Variants in MSRA observed in about 807,000 individuals in gnomAD.
MSRA encodes the protein methionine sulfoxide reductase A, also known as mitochondrial peptide methionine sulfoxide reductase.
Under a neutral mutation model 31.3 loss-of-function variants are expected in MSRA, and 54 were observed. That is an observed-to-expected ratio of 1.73 (90% CI 1.39 to 2.17). The LOEUF (loss-of-function observed/expected upper bound fraction) is 2.17. MSRA is among the 30% of genes most tolerant of loss of function. The pLI is 0.00. For missense variants in MSRA, 507 were observed against 300.9 expected, an observed-to-expected ratio of 1.69 and a Z score of -5.07; for synonymous variants, 169 against 116.5, an observed-to-expected ratio of 1.45 and a Z score of -2.90.
chr8:10,272,511 G>A (rs1354756689), intron 3 of MSRA, among the ~76,000 whole-genome samples: 1 of 152,182 alleles, frequency 6.6e-6, no homozygotes, highest in African/African-American at 2.4e-5. Flanking sequence ...ACTGGGTGAG[G>A]ACCATCCACA....
At chr8:10,107,532 C>G (rs1338881773) in intron 1 of MSRA, among the ~76,000 whole-genome samples, 1 of 152,136 alleles carries the variant, frequency 6.6e-6, no homozygotes, top group Non-Finnish European at 1.5e-5. Context: ...CACCTGGATT[C>G]CTTCTAATGC....
At chr8:10,096,420 T>C in intron 1 of MSRA, 1 of 398,354 alleles carries the variant, frequency 2.5e-6, no homozygotes. Context: ...GATTAGTGAA[T>C]TCTCATTGTG....
At chr8:10,133,083 G>A (rs1432407923) in intron 1 of MSRA, among the ~76,000 whole-genome samples, 1 of 152,180 alleles carries the variant, frequency 6.6e-6, no homozygotes, top group Non-Finnish European at 1.5e-5. Context: ...AAGGGAGTCC[G>A]CATTGGACTT....
At chr8:10,296,431 A>G (rs1449851597) in intron 3 of MSRA, among the ~76,000 whole-genome samples, 1 of 152,150 alleles carries the variant, frequency 6.6e-6, no homozygotes, top group Non-Finnish European at 1.5e-5. Flanking sequence ...ACCTCATTTA[A>G]TCTTTGTTTT....
intron 3 of MSRA, among the ~76,000 whole-genome samples, chr8:10,280,367 T>TAATTC (rs10629081): frequency 0.74 from 111,015 of 150,986 alleles, 40,892 homozygotes; most frequent in Admixed American, 0.81. Context: ...TTCTAATAAT[T>TAATTC]AATTCAAGTT....
chr8:10,185,827 G>A (rs1330611865), intron 1 of MSRA, among the ~76,000 whole-genome samples: 7 of 152,164 alleles, frequency 4.6e-5, no homozygotes, highest in Admixed American at 6.5e-5. Flanking sequence ...CCAGGACCAA[G>A]TGCTTTCGTG....
intron 1 of MSRA, among the ~76,000 whole-genome samples, chr8:10,138,929 C>T (rs1158348154): frequency 1.3e-5 from 2 of 152,194 alleles, no homozygotes; most frequent in African/African-American, 2.4e-5. Flanking sequence ...CCCTAGAGCT[C>T]CTTGTCCCCA....
chr8:10,210,958 A>T (rs556592709), intron 2 of MSRA, among the ~76,000 whole-genome samples: 16 of 151,150 alleles, frequency 1.1e-4, no homozygotes, highest in Admixed American at 4.0e-4. Flanking sequence ...CTGGTCTCGA[A>T]CTCCTAACCT....
At chr8:10,122,748 C>G (rs1801220162) in intron 1 of MSRA, among the ~76,000 whole-genome samples, 1 of 152,112 alleles carries the variant, frequency 6.6e-6, no homozygotes, top group South Asian at 2.1e-4. Flanking sequence ...CATGTGTTCA[C>G]ATCATTTAGC....
At chr8:10,282,760 C>A (rs924032815) in intron 3 of MSRA, among the ~76,000 whole-genome samples, 2 of 152,142 alleles carry the variant, frequency 1.3e-5, no homozygotes, top group African/African-American at 4.8e-5. Flanking sequence ...TGAAAATATA[C>A]CTTCCACTCT....
At chr8:10,315,288 C>G (rs1466767989) in intron 4 of MSRA, among the ~76,000 whole-genome samples, 2 of 152,142 alleles carry the variant, frequency 1.3e-5, no homozygotes, top group African/African-American at 4.8e-5. Flanking sequence ...TAGGTTTATT[C>G]TGAATGTGTC....
intron 1 of MSRA, among the ~76,000 whole-genome samples, chr8:10,094,495 A>G (rs1390381837): frequency 6.6e-6 from 1 of 152,264 alleles, no homozygotes; most frequent in Non-Finnish European, 1.5e-5. Flanking sequence ...GAAGCAAAGA[A>G]TAGGAAGTCA....
chr8:10,082,270 G>T (rs904547784), intron 1 of MSRA, among the ~76,000 whole-genome samples: 3 of 152,066 alleles, frequency 2.0e-5, no homozygotes, highest in African/African-American at 7.2e-5. Flanking sequence ...CATAACACAG[G>T]TGAGAATGTC....
At chr8:10,419,086 G>A (rs1262753811) in intron 5 of MSRA, among the ~76,000 whole-genome samples, 3 of 152,118 alleles carry the variant, frequency 2.0e-5, no homozygotes, top group Non-Finnish European at 2.9e-5. Flanking sequence ...TCCCACGCAT[G>A]TGCCCACAGG....
At chr8:10,212,651 T>C (rs1381852622) in intron 2 of MSRA, among the ~76,000 whole-genome samples, 1 of 152,248 alleles carries the variant, frequency 6.6e-6, no homozygotes, top group African/African-American at 2.4e-5. Flanking sequence ...GATCTGATTT[T>C]ACAGTTGCAG....
intron 1 of MSRA, among the ~76,000 whole-genome samples, chr8:10,141,967 G>GT (rs1802750793): frequency 6.6e-6 from 1 of 152,070 alleles, no homozygotes; most frequent in Non-Finnish European, 1.5e-5. Flanking sequence ...TTTTTTGTTT[G>GT]TTTGTTTGGA....
At chr8:10,095,065 T>C (rs1368381343) in intron 1 of MSRA, among the ~76,000 whole-genome samples, 2 of 152,240 alleles carry the variant, frequency 1.3e-5, no homozygotes, top group African/African-American at 4.8e-5. Flanking sequence ...ATGACATTTC[T>C]GGGCATACGG....
intron 1 of MSRA, among the ~76,000 whole-genome samples, chr8:10,165,807 T>C (rs1805074587): frequency 6.6e-6 from 1 of 152,186 alleles, no homozygotes; most frequent in African/African-American, 2.4e-5. Context: ...AAAAGCTTGC[T>C]GACAAATAAA....
In MSRA at chr8:10,085,959, C is replaced by G. The variant is rs566657141; in HGVS notation, c.142+31301C>G. Among the ~76,000 whole-genome samples the G allele has an allele frequency of 3.9e-5, 6 of 152,216 alleles. No individual in the cohort carries two copies. The East Asian group carries it at 7.7e-4, about 20-fold the overall frequency. On this transcript the variant is annotated intron_variant, in intron 1 of 5. Transcript: ENST00000317173. ...TATTCCTTAGTGGCAGCAGATAGAC[C>G]TTGCTGCTGGGTGTTCAGATTGTTT...
Sources: allele counts gnomAD v4.1 joint callset (sites outside exome capture counted in the v4.1 genomes callset), GRCh38; gene constraint gnomAD v4.1.1; transcripts MANE v1.5; gene names NCBI Gene and HGNC (gene_info 2026-07-23, HGNC 2026-07-21).